Variants in BTD observed in about 807,000 individuals in gnomAD.
BTD encodes biocytinase.
A neutral mutation model predicts 17.7 loss-of-function variants in BTD; 13 were observed. The ratio of observed to expected loss-of-function variants is 0.74; its 90% CI spans 0.48 to 1.17. BTD has a LOEUF of 1.17. BTD is among the 50% of genes most tolerant of loss of function. The probability of loss-of-function intolerance (pLI) is 0.00; values close to 1 mark genes in which losing one functional copy is unlikely to be tolerated. For synonymous variants in BTD, 240 were observed against 245.2 expected, an observed-to-expected ratio of 0.98 and a Z score of 0.20; for missense variants, 674 against 650.4, an observed-to-expected ratio of 1.04 and a Z score of -0.39.
At chr3:15,663,459 T>C (rs180838959) in intron 3 of BTD, among the ~76,000 whole-genome samples, 83 of 152,362 alleles carry the variant, frequency 5.4e-4, no homozygotes, top group African/African-American at 1.9e-3. Flanking sequence ...CATCTGGGTC[T>C]GGTGCTTTCT....
intron 1 of BTD, among the ~76,000 whole-genome samples, chr3:15,617,262 C>T (rs981079643): frequency 2.0e-5 from 3 of 152,206 alleles, no homozygotes; most frequent in African/African-American, 7.2e-5. Context: ...TGTAGCTTAT[C>T]TTCTTCTGTT....
chr3:15,633,838 T>C (rs898394888), intron 1 of BTD, among the ~76,000 whole-genome samples: 1 of 152,254 alleles, frequency 6.6e-6, no homozygotes. Context: ...TGAGACATTT[T>C]AAATTATTCC....
intron 3 of BTD, chr3:15,678,457 T>A (rs1298478913): frequency 9.0e-7 from 1 of 1,111,156 alleles, no homozygotes. Context: ...GGTTTACATA[T>A]TAGGCTACAA....
chr3:15,674,173 T>TCAAAAA (rs2066676108), intron 3 of BTD, among the ~76,000 whole-genome samples: 1 of 4,674 alleles, frequency 2.1e-4, no homozygotes, highest in Non-Finnish European at 4.3e-4. Context: ...CCCTGCCTCT[T>TCAAAAA]CAAAAAAAAA....
intron 1 of BTD, among the ~76,000 whole-genome samples, chr3:15,605,521 G>A (rs986119832): frequency 6.6e-6 from 1 of 152,106 alleles, no homozygotes; most frequent in Non-Finnish European, 1.5e-5. Flanking sequence ...AAGTCTCAGA[G>A]TGTATCTAAA....
At chr3:15,620,541 A>G (rs1391200319) in intron 1 of BTD, among the ~76,000 whole-genome samples, 1 of 152,072 alleles carries the variant, frequency 6.6e-6, no homozygotes, top group East Asian at 1.9e-4. Flanking sequence ...TTCAAGGTGC[A>G]CTGATTTCAT....
At chr3:15,713,494 G>A (rs1360596536), downstream of BTD, 1 of 1,535,652 alleles carries the variant, frequency 6.5e-7, no homozygotes, top group Non-Finnish European at 8.9e-7. Flanking sequence ...GTGCTTGCCT[G>A]TATCAGTTAT....
intron 3 of BTD, among the ~76,000 whole-genome samples, chr3:15,662,123 A>T (rs1313064231): frequency 1.3e-5 from 2 of 152,212 alleles, no homozygotes; most frequent in Non-Finnish European, 2.9e-5. Flanking sequence ...TTGCCTCTCC[A>T]TATAAACTTT....
chr3:15,658,900 T>A (rs1041416282), intron 3 of BTD, among the ~76,000 whole-genome samples: 2 of 152,196 alleles, frequency 1.3e-5, no homozygotes, highest in Admixed American at 1.3e-4. Flanking sequence ...AGGAAGGTTA[T>A]GTAACTTGCC....
intron 1 of BTD, among the ~76,000 whole-genome samples, chr3:15,619,010 G>A (rs1293908012): frequency 6.6e-6 from 1 of 152,112 alleles, no homozygotes; most frequent in Non-Finnish European, 1.5e-5. Flanking sequence ...AACAAAGGCG[G>A]TTTTATTTCT....
chr3:15,680,491 G>A (rs1280731550), intron 3 of BTD, among the ~76,000 whole-genome samples: 1 of 152,064 alleles, frequency 6.6e-6, no homozygotes, highest in Non-Finnish European at 1.5e-5. Flanking sequence ...ACAGGTGTGA[G>A]CCACCATGCC....
intron 3 of BTD, chr3:15,707,819 CA>C: frequency 7.3e-7 from 1 of 1,374,364 alleles, no homozygotes; most frequent in African/African-American, 1.4e-5. Flanking sequence ...AGATAATCAA[CA>C]AAAAATACAA....
chr3:15,642,564 C>T (rs1233494173), intron 3 of BTD, among the ~76,000 whole-genome samples: 4 of 151,412 alleles, frequency 2.6e-5, no homozygotes, highest in Middle Eastern at 6.9e-3. Flanking sequence ...ATGCCATTCT[C>T]CTGCCTCAGC....
At chr3:15,699,131 G>T (rs899486898) in intron 3 of BTD, among the ~76,000 whole-genome samples, 2 of 152,112 alleles carry the variant, frequency 1.3e-5, no homozygotes, top group Non-Finnish European at 2.9e-5. Flanking sequence ...ACAAAAACTA[G>T]CAATGGGGAA....
intron 1 of BTD, among the ~76,000 whole-genome samples, chr3:15,623,659 G>C (rs976293389): frequency 1.4e-4 from 21 of 152,184 alleles, no homozygotes; most frequent in African/African-American, 4.8e-4. Flanking sequence ...TGTGTGGCCT[G>C]GTGGGAGGTG....
At chr3:15,679,628 A>G (rs2067310942) in intron 3 of BTD, 3 of 1,279,900 alleles carry the variant, frequency 2.3e-6, no homozygotes, top group South Asian at 1.3e-5. Flanking sequence ...TCACAGGTAC[A>G]TGTAAGTGTT....
chr3:15,601,786 C>G lies in BTD; in HGVS notation c.-125C>G, dbSNP rs1196985150. Reference sequence around the variant, plus strand: ...TGCAAAGCAGGTAAGAAGCCGAACTCTGAGGCCTCTCGCCATTGTCTCCGA... The same window carrying G: ...TGCAAAGCAGGTAAGAAGCCGAACTGTGAGGCCTCTCGCCATTGTCTCCGA... On this transcript the variant is annotated 5_prime_UTR_variant, in exon 1 of 4. Transcript: ENST00000643237. 6.2e-7 allele frequency: 1 copy of G among 1,613,322 alleles called. No homozygotes were observed. Among genetic ancestry groups the G allele is most frequent in the Non-Finnish European group, 8.5e-7 (1 of 1,179,776 alleles).
At chr3:15,686,571 T>A in intron 3 of BTD, 1 of 460,502 alleles carries the variant, frequency 2.2e-6, no homozygotes, top group Non-Finnish European at 3.9e-6. Flanking sequence ...TCTAAAAGAA[T>A]GCTCATTTTA....
At chr3:15,704,809 T>C (rs1476603977) in intron 3 of BTD, among the ~76,000 whole-genome samples, 3 of 152,166 alleles carry the variant, frequency 2.0e-5, no homozygotes, top group Non-Finnish European at 1.5e-5. Context: ...ATAATTACTG[T>C]GGCTTATATT....
Sources: gnomAD v4.1 joint callset for allele counts (sites outside exome capture counted in the v4.1 genomes callset) on GRCh38, gnomAD v4.1.1 for gene constraint, MANE v1.5 for transcripts, NCBI Gene and HGNC (gene_info 2026-07-23, HGNC 2026-07-21) for gene names.